RGS6: variants seen among roughly 807,000 people sequenced by gnomAD.
RGS6 encodes the protein regulator of G-protein signaling 6.
RGS6 carries 30 observed loss-of-function variants against 78.5 expected under a neutral mutation model. The observed-to-expected ratio is 0.38, with a 90% CI of 0.29 to 0.52. The LOEUF (loss-of-function observed/expected upper bound fraction) is 0.52. RGS6 is among the 20% of genes least tolerant of loss of function. The pLI is 0.85. For synonymous variants in RGS6, 206 were observed against 206.0 expected, an observed-to-expected ratio of 1.00 and a Z score of 0.00; for missense variants, 495 against 609.7, an observed-to-expected ratio of 0.81 and a Z score of 1.98.
At chr14:72,134,884 T>C (rs2096405587) in intron 2 of RGS6, among the ~76,000 whole-genome samples, 2 of 152,168 alleles carry the variant, frequency 1.3e-5, no homozygotes, top group South Asian at 4.1e-4. Context: ...CTTTTCATTG[T>C]ATTCAGGCAG....
intron 2 of RGS6, among the ~76,000 whole-genome samples, chr14:72,261,190 A>C (rs1395113413): frequency 6.6e-6 from 1 of 152,224 alleles, no homozygotes; most frequent in Non-Finnish European, 1.5e-5. Context: ...CCTGCCTTGC[A>C]CAGCTGACTT....
chr14:72,588,762 G>A, the RGS6 span, among the ~76,000 whole-genome samples: 1 of 152,148 alleles, frequency 6.6e-6, no homozygotes, highest in Admixed American at 6.6e-5. Context: ...TTCTTTCGGG[G>A]TACTCCCTCT....
chr14:72,268,357 CTTCAT>C (rs540869716), intron 2 of RGS6, among the ~76,000 whole-genome samples: 6 of 152,210 alleles, frequency 3.9e-5, no homozygotes, highest in East Asian at 1.9e-4. Context: ...TCTTTCTTTC[CTTCAT>C]TTCATTTCAT....
chr14:72,593,860 C>A, the RGS6 span, among the ~76,000 whole-genome samples: 3 of 151,056 alleles, frequency 2.0e-5, no homozygotes, highest in African/African-American at 7.3e-5. Context: ...GTTCAGGAAG[C>A]TGAACCGCCC....
At chr14:72,009,438 C>G (rs185662107) in intron 2 of RGS6, among the ~76,000 whole-genome samples, 1 of 152,198 alleles carries the variant, frequency 6.6e-6, no homozygotes, top group South Asian at 2.1e-4. Context: ...TGTCACAATA[C>G]GATGCTGGAG....
rs2097054528 is a variant in RGS6 at position 72,522,248 on chromosome 14, T to G, written c.1278+3711T>G. The stretch of plus-strand genomic sequence containing the variant: ...CTTATAACTCTGGTCTCTCTTCCTC[T>G]TCTTATAAGAACACTAATCCCGTCA... On this transcript the variant is annotated intron_variant, in intron 15 of 17. Transcript: ENST00000553525. Among the ~76,000 whole-genome samples, 3 of 152,332 alleles carry G rather than the reference T, an allele frequency of 2.0e-5. No individual in the cohort carries two copies. In the South Asian group the frequency reaches 6.2e-4, roughly 32 times the overall value.
At chr14:72,195,106 G>T (rs999856421) in intron 2 of RGS6, among the ~76,000 whole-genome samples, 1 of 152,092 alleles carries the variant, frequency 6.6e-6, no homozygotes, top group Non-Finnish European at 1.5e-5. Flanking sequence ...TACTCAGGAG[G>T]CTAAGGCAGG....
chr14:72,128,450 C>G (rs551821577), intron 2 of RGS6, among the ~76,000 whole-genome samples: 1 of 152,114 alleles, frequency 6.6e-6, no homozygotes, highest in East Asian at 1.9e-4. Context: ...AATGACTGCT[C>G]AATATAGTAC....
intron 2 of RGS6, among the ~76,000 whole-genome samples, chr14:72,037,368 A>G (rs564026177): frequency 6.6e-6 from 1 of 152,184 alleles, no homozygotes; most frequent in Non-Finnish European, 1.5e-5. Context: ...GAGCTGTAAC[A>G]CTCACTGCGA....
At chr14:71,967,733 C>A (rs972748283) in intron 2 of RGS6, among the ~76,000 whole-genome samples, 1 of 152,060 alleles carries the variant, frequency 6.6e-6, no homozygotes, top group Non-Finnish European at 1.5e-5. Flanking sequence ...CAGATGCTGA[C>A]ATTTAAAAAG....
chr14:72,256,815 C>T (rs753631533), intron 2 of RGS6, among the ~76,000 whole-genome samples: 10 of 152,188 alleles, frequency 6.6e-5, no homozygotes, highest in South Asian at 2.1e-4. Flanking sequence ...GGTGGTCTCA[C>T]TCTTAGTAAA....
At chr14:72,493,240 T>C (rs56884598) in intron 12 of RGS6, among the ~76,000 whole-genome samples, 2,030 of 152,234 alleles carry the variant, frequency 0.013, 60 homozygotes, top group East Asian at 0.093. Context: ...AAAAGGAACT[T>C]GGAAGAACCA....
At chr14:72,229,742 C>A (rs185825112) in intron 2 of RGS6, among the ~76,000 whole-genome samples, 1 of 152,182 alleles carries the variant, frequency 6.6e-6, no homozygotes, top group African/African-American at 2.4e-5. Flanking sequence ...AAGCTCCCTT[C>A]GGAGATTCTG....
intron 2 of RGS6, among the ~76,000 whole-genome samples, chr14:72,247,536 G>A (rs1178266415): frequency 6.6e-6 from 1 of 152,200 alleles, no homozygotes; most frequent in Admixed American, 6.5e-5. Context: ...GGAGAGATAG[G>A]TGAAATCAAC....
intron 2 of RGS6, among the ~76,000 whole-genome samples, chr14:72,180,452 C>T (rs146808135): frequency 6.6e-6 from 1 of 152,316 alleles, no homozygotes; most frequent in Non-Finnish European, 1.5e-5. Context: ...TCGATCTTAA[C>T]CTTTATGATA....
chr14:72,364,669 C>G (rs2082138068), intron 3 of RGS6, among the ~76,000 whole-genome samples: 1 of 152,216 alleles, frequency 6.6e-6, no homozygotes, highest in Non-Finnish European at 1.5e-5. Flanking sequence ...GCTGGTTAAT[C>G]AGCAGTGTCT....
chr14:72,405,793 C>A (rs189507488), intron 3 of RGS6, among the ~76,000 whole-genome samples: 1 of 152,148 alleles, frequency 6.6e-6, no homozygotes, highest in Middle Eastern at 3.2e-3. Context: ...CTGGCAGGGG[C>A]CTTCTTTGGT....
downstream of RGS6, among the ~76,000 whole-genome samples, chr14:72,569,876 G>T (rs560366159): frequency 6.6e-6 from 1 of 152,338 alleles, no homozygotes; most frequent in African/African-American, 2.4e-5. Context: ...GAGAGTTGGA[G>T]GAGCAGAGCT....
At chr14:72,327,501 T>C (rs2074065273) in intron 2 of RGS6, among the ~76,000 whole-genome samples, 1 of 152,242 alleles carries the variant, frequency 6.6e-6, no homozygotes, top group South Asian at 2.1e-4. Context: ...TTGTCATACC[T>C]GAATGGTTTA....
Sources: gnomAD v4.1 joint callset for allele counts (sites outside exome capture counted in the v4.1 genomes callset) on GRCh38, gnomAD v4.1.1 for gene constraint, MANE v1.5 for transcripts, NCBI Gene and HGNC (gene_info 2026-07-23, HGNC 2026-07-21) for gene names.